Variants in SHOX observed in about 807,000 individuals in gnomAD.
The protein encoded by SHOX is short stature homeobox protein.
SHOX carries 12 observed loss-of-function variants against 29.6 expected under a neutral mutation model. The observed-to-expected ratio is 0.41, with a 90% CI of 0.26 to 0.66. The LOEUF (loss-of-function observed/expected upper bound fraction) is 0.66, where lower values mean the gene tolerates loss of function less well. Among genes scored for constraint, SHOX ranks in the 30% least tolerant of loss-of-function variants. SHOX has a pLI of 0.35. For missense variants in SHOX, 499 were observed against 437.7 expected, an observed-to-expected ratio of 1.14 and a Z score of -1.25; for synonymous variants, 214 against 200.6, an observed-to-expected ratio of 1.07 and a Z score of -0.57.
At chrX:656,182 T>C (rs1391843409), downstream of SHOX, among the ~76,000 whole-genome samples, 3 of 151,260 alleles carry the variant, frequency 2.0e-5, no homozygotes, top group African/African-American at 7.3e-5. Context: ...TGGTGACTCA[T>C]GCCTGTAATC....
intron 2 of SHOX, among the ~76,000 whole-genome samples, chrX:637,612 C>T (rs1292023986): frequency 6.6e-6 from 1 of 152,042 alleles, no homozygotes. Context: ...ACATAATTCT[C>T]CATCGCCGCG....
chrX:641,589 A>G (rs2052854130), intron 4 of SHOX, among the ~76,000 whole-genome samples: 1 of 151,254 alleles, frequency 6.6e-6, no homozygotes, highest in Admixed American at 6.6e-5. Context: ...CTTGGGAGGG[A>G]GAATCACTTG....
rs997650032 is a variant in SHOX at position 648,730 on chromosome X, G to T, written c.*4094G>T. Among the ~76,000 whole-genome samples the T allele has an allele frequency of 2.0e-5, 3 of 152,102 alleles. No homozygotes were observed. Among genetic ancestry groups the T allele is most frequent in the Non-Finnish European group, 4.4e-5 (3 of 68,016 alleles). ...GGCTTTTCTCCTGCGAGAGAAGTTG[G>T]GTGACTTTCTGTAGGTGGATGAGTG... On this transcript the variant is annotated 3_prime_UTR_variant, in exon 5 of 5. Transcript: ENST00000686671.
At position 630,796 on chromosome X, in the gene SHOX, T is replaced by A; in HGVS notation, c.-102T>A. 1 of 1,422,712 alleles carries A rather than the reference T, an allele frequency of 7.0e-7. No individual in the cohort carries two copies. The highest frequency in any genetic ancestry group is 9.9e-7 in the Non-Finnish European group (1 of 1,014,584). The allele number at this position is 1,422,712 out of a possible 1,614,324, so 88.1% of individuals were successfully genotyped here. A position where few individuals can be genotyped will look rare whatever the true frequency, so the allele number is the denominator to read the frequency against. On this transcript the variant is annotated 5_prime_UTR_variant, in exon 1 of 5. Transcript: ENST00000686671. Reference sequence around the variant, plus strand: ...GAGATTTCCAATGGAAAGGCGTAAATAACAGCGCTGGTGATCCACCCGCGC... The same window carrying A: ...GAGATTTCCAATGGAAAGGCGTAAAAAACAGCGCTGGTGATCCACCCGCGC...
rs747077800 is a variant in SHOX, at chrX:631,159, G to A, written c.262G>A (p.Ala88Thr). 4 of 1,612,740 alleles carry A rather than the reference G, an allele frequency of 2.5e-6. No homozygotes were observed. Among genetic ancestry groups the A allele is most frequent in the East Asian group, 2.2e-5 (1 of 44,856 alleles). The change falls in exon 1 of 5, where the codon GCG (alanine) becomes ACG (threonine). Residue 88 changes from alanine to threonine, a missense_variant. By Grantham distance (58) the Ala-to-Thr change is moderately conservative (BLOSUM62 0). Transcript: ENST00000686671. ...DKEKLKEFGT[A>T]RVAEGIYECK... Reference sequence around the variant, plus strand: ...GGAGAAACTGAAAGAATTCGGCACCGCGAGAGTGGCAGAAGGTAAGTTCCT... The same window carrying A: ...GGAGAAACTGAAAGAATTCGGCACCACGAGAGTGGCAGAAGGTAAGTTCCT...
At position 630,809 on chromosome X, in the gene SHOX, G is replaced by T; in HGVS notation, c.-89G>T. ...GAAAGGCGTAAATAACAGCGCTGGT[G>T]ATCCACCCGCGCGCACGGGCCGTCC... is the stretch of plus-strand genomic sequence containing the variant. On this transcript the variant is annotated 5_prime_UTR_variant, in exon 1 of 5. Coordinates refer to ENST00000686671, the MANE Select transcript of SHOX (RefSeq NM_000451.4). 6.6e-7 allele frequency: 1 copy of T among 1,514,398 alleles called. No homozygotes were observed. The highest frequency in any genetic ancestry group is 9.1e-7 in the Non-Finnish European group (1 of 1,095,474). 93.8% of individuals were successfully genotyped at this position (1,514,398 alleles called of 1,614,324 possible).
At chrX:624,882 C>CTTTCTTTCTTTA (rs2052482904) in intron 1 of SHOX, among the ~76,000 whole-genome samples, 1 of 74,760 alleles carries the variant, frequency 1.3e-5, no homozygotes, top group Non-Finnish European at 2.4e-5. Context: ...TTCTTTCTTT[C>CTTTCTTTCTTTA]TTTCTTTCTT....
chrX:632,660 A>C (rs1569493381), intron 1 of SHOX, among the ~76,000 whole-genome samples: 2 of 152,184 alleles, frequency 1.3e-5, no homozygotes, highest in Non-Finnish European at 2.9e-5. Context: ...TTGTCGAAGC[A>C]GAAAGCTGTG....
intron 2 of SHOX, among the ~76,000 whole-genome samples, 183 bp from the exon 3 acceptor site, chrX:640,638 T>C (rs2052837608): frequency 1.3e-5 from 2 of 152,008 alleles, no homozygotes; most frequent in African/African-American, 2.4e-5. Flanking sequence ...TTTCCAGTAC[T>C]AGGTAGTCAG....
At chrX:632,675 C>T (rs1026441722) in intron 1 of SHOX, among the ~76,000 whole-genome samples, 60 of 152,146 alleles carry the variant, frequency 3.9e-4, no homozygotes, top group Non-Finnish European at 6.3e-4. Flanking sequence ...GCTGTGGCTA[C>T]GGTTTACAAA....
At chrX:625,039 T>TTTCCTCCCTCTGTTCC (rs2052491933) in intron 1 of SHOX, among the ~76,000 whole-genome samples, 1 of 103,962 alleles carries the variant, frequency 9.6e-6, no homozygotes, top group South Asian at 3.1e-4. Context: ...CCTCCTTTCC[T>TTTCCTCCCTCTGTTCC]TTCCTCCCTC....
At chrX:625,552 C>T (rs2052509634) in intron 1 of SHOX, among the ~76,000 whole-genome samples, 1 of 149,202 alleles carries the variant, frequency 6.7e-6, no homozygotes, top group African/African-American at 2.5e-5. Context: ...TCTTTCTCTC[C>T]TCTGTCTCTC....
chrX:635,418 G>C (rs1444236809), intron 2 of SHOX, among the ~76,000 whole-genome samples: 1 of 152,220 alleles, frequency 6.6e-6, no homozygotes, highest in Non-Finnish European at 1.5e-5. Context: ...TAGGTGGAGA[G>C]AAACAGGGTC....
intron 5 of SHOX, chrX:658,637 A>AT (rs1365141366): frequency 2.3e-5 from 4 of 176,226 alleles, no homozygotes; most frequent in Admixed American, 5.8e-5. Context: ...CGCCCGGCTA[A>AT]TTTTTTGTAT....
chrX:630,142 G>A (rs2052620452), upstream of SHOX, among the ~76,000 whole-genome samples: 1 of 152,064 alleles, frequency 6.6e-6, no homozygotes, highest in African/African-American at 2.4e-5. Flanking sequence ...CGCCGCCGCC[G>A]CCTCCCAAGC....
Position 644,554 on chromosome X carries a change from C to T in SHOX, c.797C>T (p.Ala266Val). 6.6e-7 allele frequency: 1 copy of T among 1,518,214 alleles called. No homozygotes were observed. The highest frequency in any genetic ancestry group is 8.8e-7 in the Non-Finnish European group (1 of 1,139,690). The allele number at this position is 1,518,214 out of a possible 1,614,324, so 94.0% of individuals were successfully genotyped here. ...SASAAAVVAA[A>V]AKSNSKNSSI... Reference sequence around the variant, plus strand: ...TCGGCCGCCGCCGTGGTCGCCGCCGCCGCCAAAAGCAACAGCAAGAATTCC... The same window carrying T: ...TCGGCCGCCGCCGTGGTCGCCGCCGTCGCCAAAAGCAACAGCAAGAATTCC... Residue 266 changes from alanine to valine, a missense_variant, in exon 5 of 5, where the codon GCC (alanine) becomes GTC (valine). Physicochemically the swap from Ala to Val is moderately conservative, Grantham distance 64. Transcript: ENST00000686671.
At chrX:636,336 A>G (rs1432506129) in intron 2 of SHOX, among the ~76,000 whole-genome samples, 1 of 94,074 alleles carries the variant, frequency 1.1e-5, no homozygotes, top group South Asian at 3.6e-4. Flanking sequence ...ATAAACATAT[A>G]AACATATATA....
chrX:631,200 A>AG (rs763058256), intron 1 of SHOX, 26 bp downstream of exon 1: 18 of 1,610,902 alleles, frequency 1.1e-5, no homozygotes, highest in Middle Eastern at 1.7e-4. Flanking sequence ...CTCCGGCTCC[A>AG]GGGGGGCCCT....
At position 646,955 on chromosome X, in the gene SHOX, T is replaced by TC. The variant is rs1220137585; in HGVS notation, c.*2319_*2320insC. The TC allele has an allele frequency of 1.3e-5, 2 of 152,132 alleles. No individual in the cohort carries two copies. Among genetic ancestry groups the TC allele is most frequent in the East Asian group, 3.9e-4 (2 of 5,180 alleles). 9.4% of individuals were successfully genotyped at this position (152,132 alleles called of 1,614,324 possible). On this transcript the variant is annotated 3_prime_UTR_variant, in exon 5 of 5. Transcript: ENST00000686671. Reference sequence around the variant, plus strand: ...GATATGTACAGCCCTAGATTTTTTTTTTTTAACCAAAAAGGCTGAGTAATT... The same window carrying TC: ...GATATGTACAGCCCTAGATTTTTTTTCTTTTAACCAAAAAGGCTGAGTAATT...
Sources: allele counts gnomAD v4.1 joint callset (sites outside exome capture counted in the v4.1 genomes callset), GRCh38; gene constraint gnomAD v4.1.1; transcripts MANE v1.5; gene names NCBI Gene and HGNC (gene_info 2026-07-23, HGNC 2026-07-21).